Variants in PKN2 observed in about 807,000 individuals in gnomAD.
PKN2 encodes the protein protein kinase N2, also known as serine/threonine-protein kinase N2.
A neutral mutation model predicts 119.1 loss-of-function variants in PKN2; 38 were observed. That is an observed-to-expected ratio of 0.32 (90% CI 0.25 to 0.42). PKN2 has a LOEUF of 0.42. PKN2 is among the 10% of genes least tolerant of loss of function. PKN2 has a pLI of 1.00. For missense variants in PKN2, 850 were observed against 1,165.1 expected (o/e 0.73, Z 3.94); for synonymous variants, 390 against 384.9 (o/e 1.01, Z -0.15).
At chr1:88,724,559 G>A (rs1334861208) in intron 1 of PKN2, among the ~76,000 whole-genome samples, 1 of 149,788 alleles carries the variant, frequency 6.7e-6, no homozygotes, top group Non-Finnish European at 1.5e-5. Flanking sequence ...ATTAAACAGT[G>A]TTCCAAGGGA....
At chr1:88,691,200 A>G (rs554215592) in intron 1 of PKN2, among the ~76,000 whole-genome samples, 3 of 152,014 alleles carry the variant, frequency 2.0e-5, no homozygotes, top group African/African-American at 7.2e-5. Flanking sequence ...AGTAGCTGGT[A>G]CTATAGGTGT....
At chr1:88,746,581 T>A (rs1284357387) in intron 2 of PKN2, among the ~76,000 whole-genome samples, 1 of 152,056 alleles carries the variant, frequency 6.6e-6, no homozygotes, top group Non-Finnish European at 1.5e-5. Flanking sequence ...TGTATTAGAT[T>A]GGCTATTATC....
At position 88,836,116 on chromosome 1, in the gene PKN2, T is replaced by TTGATGAA. The variant is rs1672936642; in HGVS notation, c.*2672_*2678dup. The TTGATGAA allele has an allele frequency of 6.6e-6, 1 of 152,028 alleles. No individual in the cohort carries two copies. Among genetic ancestry groups the TTGATGAA allele is most frequent in the Non-Finnish European group, 1.5e-5 (1 of 67,986 alleles). The allele number at this position is 152,028 out of a possible 1,614,324, so 9.4% of individuals were successfully genotyped here. On this transcript the variant is annotated 3_prime_UTR_variant, in exon 22 of 22. Coordinates refer to ENST00000370521, the MANE Select transcript of PKN2 (RefSeq NM_006256.4). ...TTTTTTTTTTTAAAGCAACAAAATG[T>TTGATGAA]TGATGAATGAAGAACAGCCTGTTTT...
intron 6 of PKN2, among the ~76,000 whole-genome samples, chr1:88,779,453 A>C (rs980530598): frequency 6.6e-6 from 1 of 151,646 alleles, no homozygotes; most frequent in Non-Finnish European, 1.5e-5. Context: ...AGATTTATTA[A>C]AGGAATATAC....
intron 1 of PKN2, among the ~76,000 whole-genome samples, chr1:88,716,852 C>G (rs972874333): frequency 6.6e-6 from 1 of 152,004 alleles, no homozygotes; most frequent in African/African-American, 2.4e-5. Flanking sequence ...GTTAGCTGGT[C>G]ATTTTGCTCA....
chr1:88,686,992 C>G (rs1175255764), intron 1 of PKN2, among the ~76,000 whole-genome samples: 1 of 152,050 alleles, frequency 6.6e-6, no homozygotes, highest in Non-Finnish European at 1.5e-5. Flanking sequence ...TGCTATGTAT[C>G]CTGTCTCAGG....
intron 1 of PKN2, among the ~76,000 whole-genome samples, chr1:88,706,035 A>G (rs1383495751): frequency 8.9e-6 from 1 of 112,122 alleles, no homozygotes; most frequent in Non-Finnish European, 2.1e-5. Context: ...AAAAGTCTAT[A>G]CGGATTTTTG....
intron 19 of PKN2, among the ~76,000 whole-genome samples, chr1:88,831,802 A>C (rs893353311): frequency 1.3e-5 from 2 of 152,014 alleles, no homozygotes; most frequent in African/African-American, 4.8e-5. Flanking sequence ...ATACTAATTC[A>C]TTTCAGTGAT....
intron 6 of PKN2, among the ~76,000 whole-genome samples, chr1:88,773,773 C>T (rs917699738): frequency 4.6e-5 from 7 of 151,778 alleles, no homozygotes; most frequent in South Asian, 4.2e-4. Context: ...AGCAAGACTC[C>T]GCCTCTAAGA....
intron 3 of PKN2, among the ~76,000 whole-genome samples, chr1:88,768,225 A>T (rs1477701287): frequency 6.6e-6 from 1 of 152,244 alleles, no homozygotes; most frequent in African/African-American, 2.4e-5. Flanking sequence ...TTGCTGTAAC[A>T]AATTATCACA....
At chr1:88,732,613 C>A (rs1470457610) in intron 1 of PKN2, among the ~76,000 whole-genome samples, 2 of 152,084 alleles carry the variant, frequency 1.3e-5, no homozygotes, top group Admixed American at 6.5e-5. Flanking sequence ...CAATACAGTG[C>A]ATTGAACATA....
At position 88,684,309 on chromosome 1, in the gene PKN2, C is replaced by A; in HGVS notation, c.-272C>A. 5.0e-6 allele frequency: 2 copies of A among 400,828 alleles called. No individual in the cohort carries two copies. The highest frequency in any genetic ancestry group is 7.8e-5 in the East Asian group (2 of 25,608). 24.8% of individuals were successfully genotyped at this position (400,828 alleles called of 1,614,324 possible). On this transcript the variant is annotated 5_prime_UTR_variant, in exon 1 of 22. Coordinates refer to ENST00000370521, the MANE Select transcript of PKN2 (RefSeq NM_006256.4). ...GCCCGCACGGAGAGGCTTGAGGCGG[C>A]TCCTGGCGTCGCCCAGAGGGAGCGA...
chr1:88,787,183 A>G (rs1670614178), intron 8 of PKN2, among the ~76,000 whole-genome samples: 1 of 151,966 alleles, frequency 6.6e-6, no homozygotes. Flanking sequence ...GGTTTGAAGT[A>G]TGGCTATGAA....
chr1:88,805,555 A>C lies in PKN2; in HGVS notation c.1560A>C (p.Leu520=). 6.2e-7 allele frequency: 1 copy of C among 1,613,810 alleles called. No homozygotes were observed. The highest frequency in any genetic ancestry group is 8.5e-7 in the Non-Finnish European group (1 of 1,179,722). ...TTAATATTGCCACTTGGGGAAGGCT[A>C]GTAAGAAGAGCTATTCCTACAGTAA... ...MNINIATWGR[L]VRRAIPTVNH... is the part of the protein sequence containing the mutation. The change falls in exon 11 of 22, where the codon CTA becomes CTC. Residue 520 remains leucine (L), a synonymous_variant. Coordinates refer to ENST00000370521, the MANE Select transcript of PKN2 (RefSeq NM_006256.4).
At chr1:88,692,007 T>G (rs570853203) in intron 1 of PKN2, among the ~76,000 whole-genome samples, 1 of 152,258 alleles carries the variant, frequency 6.6e-6, no homozygotes, top group South Asian at 2.1e-4. Flanking sequence ...AGGCATTTAC[T>G]GAAGGTCTCT....
intron 2 of PKN2, among the ~76,000 whole-genome samples, chr1:88,749,305 T>C (rs953072474): frequency 2.6e-5 from 4 of 151,276 alleles, no homozygotes; most frequent in Non-Finnish European, 5.9e-5. Context: ...CCTTAAAAAT[T>C]ATTCTAACTC....
chr1:88,776,252 C>G (rs920779328), intron 6 of PKN2, among the ~76,000 whole-genome samples: 2 of 144,376 alleles, frequency 1.4e-5, no homozygotes, highest in Non-Finnish European at 3.1e-5. Flanking sequence ...GCCCCCACCC[C>G]GCCCCACCCG....
chr1:88,775,967 G>A (rs377069124), intron 6 of PKN2, among the ~76,000 whole-genome samples: 3 of 151,948 alleles, frequency 2.0e-5, no homozygotes, highest in Non-Finnish European at 4.4e-5. Flanking sequence ...AATTAGCCGG[G>A]CGTGGTGGCA....
At chr1:88,748,981 C>T (rs1668880746) in intron 2 of PKN2, among the ~76,000 whole-genome samples, 1 of 152,128 alleles carries the variant, frequency 6.6e-6, no homozygotes, top group South Asian at 2.1e-4. Flanking sequence ...TGATATTTTT[C>T]ATTCCCACTA....
Sources: allele counts gnomAD v4.1 joint callset (sites outside exome capture counted in the v4.1 genomes callset), GRCh38; gene constraint gnomAD v4.1.1; transcripts MANE v1.5; gene names NCBI Gene and HGNC (gene_info 2026-07-23, HGNC 2026-07-21).